PCDH15: variants seen among roughly 807,000 people sequenced by gnomAD.
PCDH15 encodes the protein protocadherin related 15.
Under a neutral mutation model 178.5 loss-of-function variants are expected in PCDH15, and 129 were observed. The ratio of observed to expected loss-of-function variants is 0.72; its 90% confidence interval spans 0.63 to 0.84. PCDH15 has a LOEUF of 0.84. Ranked by LOEUF, PCDH15 falls within the 40% of genes least tolerant of loss-of-function variation. The pLI is 0.00. For missense variants in PCDH15, 2,230 were observed against 2,099.9 expected, an observed-to-expected ratio of 1.06 and a Z score of -1.21; for synonymous variants, 800 against 732.0, an observed-to-expected ratio of 1.09 and a Z score of -1.50.
At chr10:54,509,377 T>G (rs2081444813) in intron 3 of PCDH15, among the ~76,000 whole-genome samples, 1 of 152,136 alleles carries the variant, frequency 6.6e-6, no homozygotes, top group Non-Finnish European at 1.5e-5. Flanking sequence ...CTCTCTTGTC[T>G]GCCACCATGA....
At chr10:55,302,785 T>C (rs1176928900) in intron 1 of PCDH15, among the ~76,000 whole-genome samples, 14 of 152,080 alleles carry the variant, frequency 9.2e-5, no homozygotes, top group Non-Finnish European at 1.5e-5. Context: ...ACATCAAAAG[T>C]CCAAACCTTG....
At chr10:54,564,836 A>C (rs1190082028) in intron 2 of PCDH15, among the ~76,000 whole-genome samples, 1 of 152,154 alleles carries the variant, frequency 6.6e-6, no homozygotes, top group Non-Finnish European at 1.5e-5. Flanking sequence ...ACCCTCAAAA[A>C]ATTACTCTAC....
chr10:54,850,038 T>A (rs1017116377), intron 3 of PCDH15, among the ~76,000 whole-genome samples: 7 of 152,152 alleles, frequency 4.6e-5, no homozygotes, highest in African/African-American at 7.2e-5. Context: ...GAGACAATTG[T>A]CTAACAATCT....
At chr10:54,211,691 T>C (rs1233213061) in intron 10 of PCDH15, among the ~76,000 whole-genome samples, 2 of 152,094 alleles carry the variant, frequency 1.3e-5, no homozygotes, top group South Asian at 2.1e-4. Context: ...TAAATTGGGA[T>C]CTAGTCCAAC....
At chr10:55,211,174 G>A (rs530363486) in intron 1 of PCDH15, among the ~76,000 whole-genome samples, 215 of 152,116 alleles carry the variant, frequency 1.4e-3, no homozygotes, top group Non-Finnish European at 1.5e-3. Context: ...AGGGGAAAGT[G>A]GGAGACAGCT....
At chr10:54,990,967 GA>G (rs66632463) in intron 2 of PCDH15, among the ~76,000 whole-genome samples, 51,090 of 147,484 alleles carry the variant, frequency 0.35, 9,904 homozygotes, top group African/African-American at 0.53. Flanking sequence ...AATTTTAAAA[GA>G]AAAAAAAAAC....
At chr10:53,811,696 T>A in intron 35 of PCDH15, 77 bp from the exon 36 acceptor site, 1 of 803,530 alleles carries the variant, frequency 1.2e-6, no homozygotes, top group Non-Finnish European at 1.9e-6. Context: ...TTTCTACACC[T>A]AGAATTCCAT....
Position 55,069,237 on chromosome 10 carries a change from GC to G in PCDH15, c.-80+97338del, listed in dbSNP as rs1273290573. Among the ~76,000 whole-genome samples the G allele has an allele frequency of 3.6e-5, 4 of 110,320 alleles. No individual in the cohort carries two copies. The East Asian group carries it at 9.5e-4, about 26-fold the overall frequency. The allele number at this position is 110,320 out of a possible 152,430, so 72.4% of individuals were successfully genotyped here. ...TTTGATGTTCTGTTAGATTTGGTTT[GC>G]TGGTATTTTGTTTTTTTTTTTTTTT... On this transcript the variant is annotated intron_variant, in intron 2 of 5. Transcript: ENST00000458638.
chr10:54,648,593 G>T (rs538798079), intron 2 of PCDH15, among the ~76,000 whole-genome samples: 45 of 152,204 alleles, frequency 3.0e-4, no homozygotes, highest in Non-Finnish European at 6.0e-4. Flanking sequence ...TATTAAGTGT[G>T]TTATCTATAA....
intron 26 of PCDH15, among the ~76,000 whole-genome samples, chr10:53,893,743 T>C (rs1326896628): frequency 6.6e-6 from 1 of 152,068 alleles, no homozygotes; most frequent in Non-Finnish European, 1.5e-5. Flanking sequence ...GGAGCTAAGC[T>C]ATGAGGACGC....
intron 3 of PCDH15, among the ~76,000 whole-genome samples, chr10:54,846,678 C>T (rs1953524702): frequency 6.6e-6 from 1 of 151,996 alleles, no homozygotes; most frequent in Non-Finnish European, 1.5e-5. Context: ...GAGAGCTGTG[C>T]AAGGATATAT....
chr10:54,827,130 T>C (rs1006427804), intron 3 of PCDH15, among the ~76,000 whole-genome samples: 2 of 152,090 alleles, frequency 1.3e-5, no homozygotes, highest in African/African-American at 2.4e-5. Context: ...GATGGCCAGA[T>C]AGCCAGTTCA....
chr10:55,242,903 C>T (rs1841590405), intron 1 of PCDH15, among the ~76,000 whole-genome samples: 1 of 152,026 alleles, frequency 6.6e-6, no homozygotes, highest in Non-Finnish European at 1.5e-5. Context: ...ATGATGAATT[C>T]ACAACTTATA....
At chr10:53,837,859 G>A (rs1321309777) in intron 29 of PCDH15, among the ~76,000 whole-genome samples, 1 of 151,758 alleles carries the variant, frequency 6.6e-6, no homozygotes, top group Non-Finnish European at 1.5e-5. Flanking sequence ...ATAGACCAGT[G>A]ACTCTAAGCT....
intron 13 of PCDH15, among the ~76,000 whole-genome samples, chr10:54,169,241 C>T (rs1330133144): frequency 3.1e-5 from 2 of 65,278 alleles, no homozygotes; most frequent in African/African-American, 7.6e-5. Context: ...ACTGCTTGAT[C>T]GCCTCGGAAG....
chr10:55,234,779 TC>T, intron 1 of PCDH15, among the ~76,000 whole-genome samples: 1 of 152,198 alleles, frequency 6.6e-6, no homozygotes, highest in South Asian at 2.1e-4. Context: ...TTTTTATTAC[TC>T]ATGAAGTCCA....
intron 18 of PCDH15, among the ~76,000 whole-genome samples, chr10:54,041,998 T>G (rs186504271): frequency 6.7e-6 from 1 of 150,134 alleles, no homozygotes; most frequent in Admixed American, 6.7e-5. Context: ...AGATTATTTT[T>G]AGTAATTAAG....
intron 26 of PCDH15, among the ~76,000 whole-genome samples, chr10:53,898,950 T>C (rs1369655423): frequency 1.3e-5 from 2 of 152,104 alleles, no homozygotes; most frequent in Non-Finnish European, 2.9e-5. Context: ...TGTGAGTATA[T>C]TAAAACCAGA....
At chr10:54,115,494 G>A (rs7916105) in intron 15 of PCDH15, among the ~76,000 whole-genome samples, 4,461 of 152,294 alleles carry the variant, frequency 0.029, 240 homozygotes, top group African/African-American at 0.1. Flanking sequence ...CCTATTCAGA[G>A]AATGCCTCAT....
Sources: gnomAD v4.1 joint callset for allele counts (sites outside exome capture counted in the v4.1 genomes callset) on GRCh38, gnomAD v4.1.1 for gene constraint, MANE v1.5 for transcripts, NCBI Gene and HGNC (gene_info 2026-07-23, HGNC 2026-07-21) for gene names.